CD200R1: variants seen among roughly 807,000 people sequenced by gnomAD.
CD200R1 encodes CD200 receptor 1.
CD200R1 carries 30 observed loss-of-function variants against 38.1 expected under a neutral mutation model. The ratio of observed to expected loss-of-function variants is 0.79; its 90% CI spans 0.59 to 1.07. CD200R1 has a LOEUF of 1.07. CD200R1 is among the 50% of genes least tolerant of loss of function. The pLI is 0.00. For synonymous variants in CD200R1, 128 were observed against 152.1 expected, an observed-to-expected ratio of 0.84 and a Z score of 1.16; for missense variants, 372 against 415.4, an observed-to-expected ratio of 0.90 and a Z score of 0.91.
At position 112,922,934 on chromosome 3, in the gene CD200R1, G is replaced by T. The variant is rs1940203765; in HGVS notation, c.*743C>A. On this transcript the variant is annotated 3_prime_UTR_variant, in exon 8 of 8. Coordinates refer to ENST00000308611, the MANE Select transcript of CD200R1 (RefSeq NM_138806.4). ...CCTTTGACCTGACAATTCCACTCAA[G>T]AAAGTTATCCTACAGATATACTCAA... 1 of 151,846 alleles carries T rather than the reference G, an allele frequency of 6.6e-6. No homozygotes were observed. Among genetic ancestry groups the T allele is most frequent in the African/African-American group, 2.4e-5 (1 of 41,422 alleles). The allele number at this position is 151,846 out of a possible 1,614,324, so 9.4% of individuals were successfully genotyped here. A position where few individuals can be genotyped will look rare whatever the true frequency, so the allele number is the denominator to read the frequency against.
intron 2 of CD200R1, among the ~76,000 whole-genome samples, chr3:112,943,808 A>G (rs937538824): frequency 6.6e-6 from 1 of 151,830 alleles, no homozygotes; most frequent in Non-Finnish European, 1.5e-5. Flanking sequence ...TAAAATGATA[A>G]TAACAGAATA....
At chr3:112,934,432 A>G (rs1482721266) in intron 2 of CD200R1, among the ~76,000 whole-genome samples, 1 of 152,166 alleles carries the variant, frequency 6.6e-6, no homozygotes, top group Non-Finnish European at 1.5e-5. Context: ...GAAAAAAAAA[A>G]TCAATAAAAT....
In CD200R1 at chr3:112,923,558, T is replaced by TAAGA; in HGVS notation, c.*115_*118dup. The stretch of plus-strand genomic sequence containing the variant: ...AATGAGAATCCATTAAAATGTCTTC[T>TAAGA]AAGAACCTTGGAAAACCTAATTTCA... On this transcript the variant is annotated 3_prime_UTR_variant, in exon 8 of 8. Transcript: ENST00000308611. 1 of 562,194 alleles carries TAAGA rather than the reference T, an allele frequency of 1.8e-6. No homozygotes were observed. Among genetic ancestry groups the TAAGA allele is most frequent in the Non-Finnish European group, 3.1e-6 (1 of 318,816 alleles). The allele number at this position is 562,194 out of a possible 1,614,324, so 34.8% of individuals were successfully genotyped here. A position where few individuals can be genotyped will look rare whatever the true frequency, so the allele number is the denominator to read the frequency against.
At chr3:112,948,229 T>A (rs1297014115) in intron 1 of CD200R1, among the ~76,000 whole-genome samples, 1 of 152,136 alleles carries the variant, frequency 6.6e-6, no homozygotes, top group African/African-American at 2.4e-5. Context: ...TGGAAGAAAT[T>A]ATTTTACTAG....
At chr3:112,943,036 G>A (rs576416301) in intron 2 of CD200R1, among the ~76,000 whole-genome samples, 8 of 151,818 alleles carry the variant, frequency 5.3e-5, no homozygotes, top group African/African-American at 1.7e-4. Context: ...AATAGTTGGA[G>A]ACTTCAATAC....
chr3:112,969,273 C>CAA (rs1443668260), intron 1 of CD200R1, among the ~76,000 whole-genome samples: 1 of 151,910 alleles, frequency 6.6e-6, no homozygotes, highest in Non-Finnish European at 1.5e-5. Flanking sequence ...ATTATTCAAT[C>CAA]AAAAGAACAG....
intron 1 of CD200R1, among the ~76,000 whole-genome samples, chr3:112,965,869 G>A (rs1295629497): frequency 6.6e-6 from 1 of 152,186 alleles, no homozygotes; most frequent in Non-Finnish European, 1.5e-5. Flanking sequence ...GGTCAGGCAG[G>A]ATCCCAGAGG....
At position 112,929,469 on chromosome 3, in the gene CD200R1, C is replaced by T. The variant is rs753151049; in HGVS notation, c.241G>A (p.Val81Met). The change falls in exon 4 of 8, where the codon GTG (valine) becomes ATG (methionine). Residue 81 changes from valine to methionine, a missense_variant. Coordinates refer to ENST00000308611, the MANE Select transcript of CD200R1 (RefSeq NM_138806.4). ...AATGCGATAGGAGGGCAACAAAGCACAGCATTTGTAGCCATCTTTACAGGC... is the reference window on the plus strand; with the variant it reads ...AATGCGATAGGAGGGCAACAAAGCATAGCATTTGTAGCCATCTTTACAGGC... ...SWPVKMATNAVLCCPPIALRN... is the reference protein window; with the variant it reads ...SWPVKMATNAMLCCPPIALRN... 1.2e-6 allele frequency: 2 copies of T among 1,613,666 alleles called. No homozygotes were observed. Among genetic ancestry groups the T allele is most frequent in the South Asian group, 2.2e-5 (2 of 91,054 alleles).
At chr3:112,945,796 G>A (rs1400555037) in intron 2 of CD200R1, among the ~76,000 whole-genome samples, 2 of 152,054 alleles carry the variant, frequency 1.3e-5, no homozygotes, top group East Asian at 1.9e-4. Context: ...TTGGAAGGCC[G>A]AGGCGGGCGG....
intron 1 of CD200R1, among the ~76,000 whole-genome samples, chr3:112,965,654 G>C (rs577948604): frequency 6.6e-6 from 1 of 152,078 alleles, no homozygotes; most frequent in Non-Finnish European, 1.5e-5. Flanking sequence ...CCAGCTCCTC[G>C]GGAGGCTAAG....
chr3:112,961,955 G>T (rs910850331), intron 1 of CD200R1, among the ~76,000 whole-genome samples: 6 of 151,928 alleles, frequency 3.9e-5, no homozygotes, highest in Non-Finnish European at 8.8e-5. Flanking sequence ...ACATACAGAT[G>T]GGTTATAAAA....
intron 1 of CD200R1, among the ~76,000 whole-genome samples, chr3:112,970,473 C>T (rs1010176913): frequency 1.8e-4 from 27 of 152,124 alleles, no homozygotes; most frequent in African/African-American, 6.5e-4. Flanking sequence ...GGCCTACTAG[C>T]ATCACATAGT....
chr3:112,967,701 A>C (rs78661547), intron 1 of CD200R1, among the ~76,000 whole-genome samples: 2 of 152,102 alleles, frequency 1.3e-5, no homozygotes, highest in Non-Finnish European at 2.9e-5. Flanking sequence ...CTAAGCAAGA[A>C]TCTCAAACAT....
intron 1 of CD200R1, among the ~76,000 whole-genome samples, chr3:112,966,061 G>A (rs560418921): frequency 1.3e-5 from 2 of 152,294 alleles, no homozygotes; most frequent in East Asian, 3.9e-4. Context: ...TCAGGGAATG[G>A]CAGCTTGAAT....
intron 2 of CD200R1, among the ~76,000 whole-genome samples, chr3:112,937,146 A>G (rs532182427): frequency 1.3e-5 from 2 of 152,290 alleles, no homozygotes; most frequent in Admixed American, 6.5e-5. Flanking sequence ...GGAAGCAGAC[A>G]TGTCCTTTTT....
At chr3:112,961,390 G>T (rs756789271) in intron 1 of CD200R1, among the ~76,000 whole-genome samples, 4 of 151,736 alleles carry the variant, frequency 2.6e-5, no homozygotes, top group Non-Finnish European at 5.9e-5. Context: ...ATAAATAAAA[G>T]ATTTAAATAT....
At chr3:112,953,671 G>C (rs1941021180) in intron 1 of CD200R1, among the ~76,000 whole-genome samples, 1 of 151,968 alleles carries the variant, frequency 6.6e-6, no homozygotes, top group African/African-American at 2.4e-5. Context: ...ATTAAATCTT[G>C]GTAGGTTGTC....
chr3:112,970,299 A>T (rs899063432), intron 1 of CD200R1, among the ~76,000 whole-genome samples: 1 of 151,900 alleles, frequency 6.6e-6, no homozygotes, highest in Non-Finnish European at 1.5e-5. Flanking sequence ...ATGTAGAAAA[A>T]CTCTGAAGTT....
chr3:112,924,993 T>C, intron 6 of CD200R1, 92 bp downstream of exon 6: 2 of 751,746 alleles, frequency 2.7e-6, no homozygotes. Context: ...GATGTTAACA[T>C]CCTAATATAC....
Sources: gnomAD v4.1 joint callset for allele counts (sites outside exome capture counted in the v4.1 genomes callset) on GRCh38, gnomAD v4.1.1 for gene constraint, MANE v1.5 for transcripts, NCBI Gene and HGNC (gene_info 2026-07-23, HGNC 2026-07-21) for gene names.